SIPA1L1: variants seen among roughly 807,000 people sequenced by gnomAD.
SIPA1L1 encodes the protein signal-induced proliferation-associated 1-like protein 1.
SIPA1L1 carries 26 observed loss-of-function variants against 162.7 expected under a neutral mutation model. That is an observed-to-expected ratio of 0.16 (90% CI 0.12 to 0.22). The LOEUF (loss-of-function observed/expected upper bound fraction) is 0.22. SIPA1L1 is among the 10% of genes least tolerant of loss of function. SIPA1L1 has a pLI of 1.00. For synonymous variants in SIPA1L1, 829 were observed against 837.4 expected (o/e 0.99, Z 0.17); for missense variants, 1,874 against 2,241.0 (o/e 0.84, Z 3.31).
chr14:71,738,189 AAC>A, intron 22 of SIPA1L1, 50 bp from the exon 23 acceptor site: 6 of 960,584 alleles, frequency 6.2e-6, no homozygotes, highest in Non-Finnish European at 9.3e-6. Flanking sequence ...AAAAAAAACA[AAC>A]CCAGCCATGG....
chr14:71,451,432 A>G (rs956407577), intron 2 of SIPA1L1, among the ~76,000 whole-genome samples: 1 of 152,036 alleles, frequency 6.6e-6, no homozygotes, highest in African/African-American at 2.4e-5. Flanking sequence ...CCTGGGGTTC[A>G]AAACCAGCCT....
chr14:71,488,744 A>G (rs899392324), intron 2 of SIPA1L1, among the ~76,000 whole-genome samples: 1 of 152,230 alleles, frequency 6.6e-6, no homozygotes, highest in Non-Finnish European at 1.5e-5. Flanking sequence ...AGAGAAGAGT[A>G]CTGTGAGGAA....
intron 2 of SIPA1L1, among the ~76,000 whole-genome samples, chr14:71,337,384 A>C (rs1476005481): frequency 1.3e-5 from 2 of 152,212 alleles, no homozygotes; most frequent in African/African-American, 4.8e-5. Flanking sequence ...TAATAAAGAC[A>C]TACTTGAGAC....
intron 2 of SIPA1L1, among the ~76,000 whole-genome samples, chr14:71,431,468 G>A (rs2140961780): frequency 6.6e-6 from 1 of 152,276 alleles, no homozygotes; most frequent in South Asian, 2.1e-4. Context: ...TGAGGCAGGA[G>A]AATCGCGTGA....
intron 12 of SIPA1L1, among the ~76,000 whole-genome samples, chr14:71,673,047 T>G (rs1418288302): frequency 9.2e-5 from 14 of 152,244 alleles, no homozygotes; most frequent in Non-Finnish European, 1.5e-5. Context: ...TGCCCAAAAC[T>G]CAGCAATTGT....
intron 2 of SIPA1L1, among the ~76,000 whole-genome samples, chr14:71,412,762 T>C (rs1250076729): frequency 6.6e-6 from 1 of 152,230 alleles, no homozygotes; most frequent in East Asian, 1.9e-4. Flanking sequence ...AGTTTGGCAA[T>C]TACATAGTTT....
Position 71,558,934 on chromosome 14 carries a change from T to C in SIPA1L1, c.-302-28637T>C, listed in dbSNP as rs184304488. ...CCTGGCCTCAAGTGATCCTCCTGCA[T>C]TGACCTCCCAAAATGTTGGGATTAC... On this transcript the variant is annotated intron_variant, in intron 4 of 23. Transcript: ENST00000381232. 5.9e-3 allele frequency among the ~76,000 whole-genome samples: 899 copies of C among 152,318 alleles called. 19 individuals carry two copies. Among genetic ancestry groups the C allele is most frequent in the Admixed American group, 0.05 (770 of 15,286 alleles).
At position 71,361,188 on chromosome 14, in the gene SIPA1L1, G is replaced by A. The variant is rs937241628; in HGVS notation, c.-465+40007G>A. ...AATGAGATATTGATCATGCAACTGA[G>A]TTGTAACTCAATTTTAGTATACTCC... On this transcript the variant is annotated intron_variant, in intron 2 of 23. Transcript: ENST00000381232. 6.6e-5 allele frequency among the ~76,000 whole-genome samples: 10 copies of A among 152,138 alleles called. No individual in the cohort carries two copies. The South Asian group carries it at 8.3e-4, about 13-fold the overall frequency.
At chr14:71,623,507 T>C (rs2039660096) in intron 6 of SIPA1L1, among the ~76,000 whole-genome samples, 1 of 152,216 alleles carries the variant, frequency 6.6e-6, no homozygotes, top group Admixed American at 6.5e-5. Flanking sequence ...TCAGCTGCTA[T>C]TGCCTGTGCT....
At chr14:71,667,026 G>T (rs1432508647) in intron 10 of SIPA1L1, among the ~76,000 whole-genome samples, 1 of 152,134 alleles carries the variant, frequency 6.6e-6, no homozygotes, top group Non-Finnish European at 1.5e-5. Flanking sequence ...TCTAAGACAA[G>T]AATCTGATTA....
chr14:71,666,762 G>T (rs565032756), intron 10 of SIPA1L1, among the ~76,000 whole-genome samples: 1 of 151,610 alleles, frequency 6.6e-6, no homozygotes, highest in South Asian at 2.1e-4. Context: ...GTGGGAAGTT[G>T]CTTGACATCC....
intron 2 of SIPA1L1, among the ~76,000 whole-genome samples, chr14:71,344,977 G>A (rs2036011071): frequency 6.6e-6 from 1 of 152,192 alleles, no homozygotes; most frequent in Non-Finnish European, 1.5e-5. Context: ...TAAAATAAAT[G>A]TCATCTGCAC....
At chr14:71,531,078 G>C (rs2053398765) in intron 4 of SIPA1L1, among the ~76,000 whole-genome samples, 4 of 152,058 alleles carry the variant, frequency 2.6e-5, no homozygotes, top group Admixed American at 2.6e-4. Context: ...TCTGGTAATT[G>C]GCCTACCATT....
At chr14:71,646,991 A>G (rs2042226977) in intron 7 of SIPA1L1, among the ~76,000 whole-genome samples, 1 of 152,150 alleles carries the variant, frequency 6.6e-6, no homozygotes, top group Non-Finnish European at 1.5e-5. Flanking sequence ...TTCTCTTAGA[A>G]TGTTCCTGAT....
At chr14:71,419,227 C>T (rs2043003592) in intron 2 of SIPA1L1, among the ~76,000 whole-genome samples, 1 of 149,776 alleles carries the variant, frequency 6.7e-6, no homozygotes, top group South Asian at 2.1e-4. Flanking sequence ...ACTTTGTTTT[C>T]TTTCAGGGTT....
At chr14:71,404,810 C>T (rs1305659068) in intron 2 of SIPA1L1, among the ~76,000 whole-genome samples, 2 of 152,094 alleles carry the variant, frequency 1.3e-5, no homozygotes, top group African/African-American at 4.8e-5. Flanking sequence ...AGTAGAATTC[C>T]TTGGGCACCA....
chr14:71,324,257 C>T (rs1401444386), intron 2 of SIPA1L1, among the ~76,000 whole-genome samples: 1 of 152,206 alleles, frequency 6.6e-6, no homozygotes, highest in Non-Finnish European at 1.5e-5. Flanking sequence ...TCATTTGGCT[C>T]ATGTTTCCCA....
At chr14:71,428,568 T>C (rs1208473723) in intron 2 of SIPA1L1, among the ~76,000 whole-genome samples, 2 of 152,102 alleles carry the variant, frequency 1.3e-5, no homozygotes, top group African/African-American at 2.4e-5. Flanking sequence ...TAGTCTTTAA[T>C]GTCTGGCCCT....
intron 5 of SIPA1L1, among the ~76,000 whole-genome samples, chr14:71,617,015 C>A (rs756762877): frequency 1.3e-5 from 2 of 152,152 alleles, no homozygotes; most frequent in Non-Finnish European, 2.9e-5. Context: ...GAGTGTGACT[C>A]ACACTCTGAT....
Sources: allele counts gnomAD v4.1 joint callset (sites outside exome capture counted in the v4.1 genomes callset), GRCh38; gene constraint gnomAD v4.1.1; transcripts MANE v1.5; gene names NCBI Gene and HGNC (gene_info 2026-07-23, HGNC 2026-07-21).